RNF214: variants seen among roughly 807,000 people sequenced by gnomAD.
RNF214 encodes the protein ring finger protein 214.
RNF214 carries 25 observed loss-of-function variants against 75.9 expected under a neutral mutation model. The ratio of observed to expected loss-of-function variants is 0.33; its 90% confidence interval spans 0.24 to 0.46. The LOEUF (loss-of-function observed/expected upper bound fraction) is 0.46. RNF214 is among the 20% of genes least tolerant of loss of function. The pLI is 1.00. For synonymous variants in RNF214, 314 were observed against 308.8 expected (o/e 1.02, Z -0.18); for missense variants, 725 against 857.5 (o/e 0.85, Z 1.93).
At chr11:117,285,047 T>G in intron 14 of RNF214, 39 bp from the exon 15 acceptor site, 1 of 1,477,130 alleles carries the variant, frequency 6.8e-7, no homozygotes, top group African/African-American at 1.4e-5. Context: ...CCCTTTGTTT[T>G]TCCAGATAAA....
At chr11:117,233,776 T>G (rs3758980) in intron 1 of RNF214, among the ~76,000 whole-genome samples, 8,130 of 152,322 alleles carry the variant, frequency 0.053, 340 homozygotes, top group East Asian at 0.16. Context: ...TTGCCCAGTA[T>G]TGCATTACTT....
At chr11:117,241,676 G>A (rs1411812113) in intron 4 of RNF214, among the ~76,000 whole-genome samples, 1 of 151,792 alleles carries the variant, frequency 6.6e-6, no homozygotes, top group Non-Finnish European at 1.5e-5. Context: ...TATATTTGAA[G>A]TTTTTTTATG....
intron 4 of RNF214, among the ~76,000 whole-genome samples, chr11:117,241,996 G>A (rs2033093597): frequency 6.6e-6 from 1 of 151,998 alleles, no homozygotes; most frequent in South Asian, 2.1e-4. Flanking sequence ...TTTTCATACT[G>A]TTAAGCTTTT....
chr11:117,234,399 C>G lies in RNF214; in HGVS notation c.107+20C>G. 2.0e-6 allele frequency: 3 copies of G among 1,538,012 alleles called. No individual in the cohort carries two copies. The highest frequency in any genetic ancestry group is 2.2e-5 in the East Asian group (1 of 44,540). On this transcript the variant is annotated intron_variant, in intron 2 of 14. Transcript: ENST00000300650. ...TCTAAGGTAATGTGTGGACTCCTGA[C>G]TGGGAAGATTCATTTGGGTAAAGGG...
intron 6 of RNF214, among the ~76,000 whole-genome samples, chr11:117,276,194 A>T (rs1280913377): frequency 4.0e-5 from 6 of 150,222 alleles, no homozygotes; most frequent in Non-Finnish European, 1.5e-5. Flanking sequence ...CCTTTGTGGT[A>T]AAAAAAACCC....
Position 117,242,843 on chromosome 11 carries a change from G to T in RNF214, c.679-1602G>T, listed in dbSNP as rs1382824374. Among the ~76,000 whole-genome samples, 6 of 152,082 alleles carry T rather than the reference G, an allele frequency of 3.9e-5. No individual in the cohort carries two copies. In the South Asian group the frequency reaches 1.2e-3, roughly 32 times the overall value. The stretch of plus-strand genomic sequence containing the variant: ...CACTCTAGCCTGGGCGACAGAGTGA[G>T]ACTCTGTCTCAGAAAAGAATAATCT... On this transcript the variant is annotated intron_variant, in intron 4 of 14. Transcript: ENST00000300650.
rs77317918 is a variant in RNF214 at position 117,244,348 on chromosome 11, C to T, written c.679-97C>T. On this transcript the variant is annotated intron_variant, in intron 4 of 14. Coordinates refer to ENST00000300650, the MANE Select transcript of RNF214 (RefSeq NM_207343.4). Reference sequence around the variant, plus strand: ...AGAGTAGCTTCATTATTGGATAGTGCGGTCATAGAGCTCTATACAATGCCT... The same window carrying T: ...AGAGTAGCTTCATTATTGGATAGTGTGGTCATAGAGCTCTATACAATGCCT... 1,702 of 904,930 alleles carry T rather than the reference C, an allele frequency of 1.9e-3. 14 individuals are homozygous for T. The African/African-American group carries it at 0.025, about 13-fold the overall frequency. The allele number at this position is 904,930 out of a possible 1,614,324, so 56.1% of individuals were successfully genotyped here.
At chr11:117,244,359 C>G in intron 4 of RNF214, 86 bp from the exon 5 acceptor site, 1 of 1,094,858 alleles carries the variant, frequency 9.1e-7, no homozygotes, top group Non-Finnish European at 1.4e-6. Flanking sequence ...GGTCATAGAG[C>G]TCTATACAAT....
chr11:117,241,248 G>T (rs2033071314), intron 4 of RNF214, among the ~76,000 whole-genome samples: 1 of 151,716 alleles, frequency 6.6e-6, no homozygotes, highest in Non-Finnish European at 1.5e-5. Flanking sequence ...GGTTGAGGTA[G>T]AAGAATTGCT....
intron 8 of RNF214, 29 bp from the exon 9 acceptor site, chr11:117,281,285 T>A (rs1396568230): frequency 6.5e-7 from 1 of 1,539,674 alleles, no homozygotes; most frequent in East Asian, 2.2e-5. Flanking sequence ...TTTCTTTAAA[T>A]CTGTAAATTC....
Position 117,282,748 on chromosome 11 carries a change from A to G in RNF214, c.1848A>G (p.Pro616=), listed in dbSNP as rs1591844080. ...TCTGACAATGTTTCTACCTACAGCC[A>G]CTTGGTCGCATCCGGGCCTTGTTCC... ...EHERVAASTQ[P]LGRIRALFPA... is the part of the protein sequence containing the mutation. The change falls in exon 13 of 15, where the codon CCA becomes CCG. Residue 616 remains proline (P), a splice_region_variant and synonymous_variant. Coordinates refer to ENST00000300650, the MANE Select transcript of RNF214 (RefSeq NM_207343.4). 1.9e-6 allele frequency: 3 copies of G among 1,613,640 alleles called. No homozygotes were observed. Among genetic ancestry groups the G allele is most frequent in the East Asian group, 4.5e-5 (2 of 44,884 alleles).
At chr11:117,245,629 A>G (rs1169857673) in intron 5 of RNF214, among the ~76,000 whole-genome samples, 1 of 152,172 alleles carries the variant, frequency 6.6e-6, no homozygotes, top group African/African-American at 2.4e-5. Context: ...GGCGTGAGCC[A>G]CTGCGCCAGA....
rs146524869 is a variant in RNF214, at chr11:117,240,216, G to A, written c.678+356G>A. Among the ~76,000 whole-genome samples the A allele has an allele frequency of 6.9e-3, 1,046 of 151,638 alleles. 8 individuals are homozygous for A. The highest frequency in any genetic ancestry group is 0.023 in the African/African-American group (943 of 41,268). ...AAAAATACAAAAATTAGCCAGGTGT[G>A]GTGGTGCATGCCTATAGTCCTAGCT... is the stretch of plus-strand genomic sequence containing the variant. On this transcript the variant is annotated intron_variant, in intron 4 of 14. Coordinates refer to ENST00000300650, the MANE Select transcript of RNF214 (RefSeq NM_207343.4).
At chr11:117,238,568 T>G (rs770544476) in intron 2 of RNF214, 33 bp from the exon 3 acceptor site, 1 of 1,554,484 alleles carries the variant, frequency 6.4e-7, no homozygotes, top group Non-Finnish European at 8.7e-7. Context: ...GAAAGTATTA[T>G]ATACTTTTCT....
intron 8 of RNF214, 51 bp from the exon 9 acceptor site, chr11:117,281,263 T>A (rs765147900): frequency 7.5e-7 from 1 of 1,335,738 alleles, no homozygotes. Context: ...GAGTCACTGT[T>A]CCTAGCAGGG....
chr11:117,242,517 T>C (rs2033107480), intron 4 of RNF214, among the ~76,000 whole-genome samples: 1 of 152,218 alleles, frequency 6.6e-6, no homozygotes, highest in Admixed American at 6.5e-5. Context: ...GAGTTTTGTT[T>C]GGCTCTATCT....
chr11:117,261,684 C>G (rs917726822), intron 6 of RNF214, among the ~76,000 whole-genome samples: 4 of 152,110 alleles, frequency 2.6e-5, no homozygotes, highest in African/African-American at 9.7e-5. Flanking sequence ...CTCCCTCTGT[C>G]GCCCAGGATG....
At chr11:117,276,381 A>T (rs1020966204) in intron 6 of RNF214, among the ~76,000 whole-genome samples, 1 of 152,162 alleles carries the variant, frequency 6.6e-6, no homozygotes, top group African/African-American at 2.4e-5. Context: ...AGGCCAGTTC[A>T]GGAAGATCAC....
chr11:117,280,162 C>G lies in RNF214; in HGVS notation c.1057-9C>G. On this transcript the variant is annotated splice_polypyrimidine_tract_variant and intron_variant, in intron 7 of 14. Transcript: ENST00000300650. ...TAATAAAGTATTTATATGTGTGTGGCTTCCTTAGATCTTATCACTAGAGAG... is the reference window on the plus strand; with the variant it reads ...TAATAAAGTATTTATATGTGTGTGGGTTCCTTAGATCTTATCACTAGAGAG... The G allele has an allele frequency of 6.2e-7, 1 of 1,606,134 alleles. No homozygotes were observed. Among genetic ancestry groups the G allele is most frequent in the Non-Finnish European group, 8.5e-7 (1 of 1,173,812 alleles).
Sources: gnomAD v4.1 joint callset for allele counts (sites outside exome capture counted in the v4.1 genomes callset) on GRCh38, gnomAD v4.1.1 for gene constraint, MANE v1.5 for transcripts, NCBI Gene and HGNC (gene_info 2026-07-23, HGNC 2026-07-21) for gene names.